The following DYNC2H1 variants were observed in gnomAD, a reference collection of about 807,000 sequenced individuals.
The protein encoded by DYNC2H1 is dynein cytoplasmic 2 heavy chain 1, also known as cytoplasmic dynein 2 heavy chain 1.
A neutral mutation model predicts 570.0 loss-of-function variants in DYNC2H1; 410 were observed. The ratio of observed to expected loss-of-function variants is 0.72; its 90% CI spans 0.66 to 0.78. DYNC2H1 has a LOEUF of 0.78. Ranked by LOEUF, DYNC2H1 falls within the 30% of genes least tolerant of loss-of-function variation. DYNC2H1 has a pLI of 0.00. For synonymous variants in DYNC2H1, 1,688 were observed against 1,677.6 expected, an observed-to-expected ratio of 1.01 and a Z score of -0.15; for missense variants, 4,865 against 5,046.4, an observed-to-expected ratio of 0.96 and a Z score of 1.09.
At chr11:103,242,992 C>T (rs779926519) in intron 63 of DYNC2H1, among the ~76,000 whole-genome samples, 4 of 152,004 alleles carry the variant, frequency 2.6e-5, no homozygotes, top group East Asian at 1.9e-4. Flanking sequence ...GCCACCACAC[C>T]GGGCCTGACT....
In DYNC2H1 at chr11:103,334,226, A is replaced by T. The variant is rs1030707262; in HGVS notation, c.12039+10236A>T. On this transcript the variant is annotated intron_variant, in intron 82 of 88. Transcript: ENST00000375735. The surrounding 1 kb of genome is among the most constrained non-coding windows in gnomAD (Gnocchi z 4.3). ...TGTTAATTCCTGAGGCAAACACAATAATCTATTCTAGTCTCTTCACCAGGT... is the reference window on the plus strand; with the variant it reads ...TGTTAATTCCTGAGGCAAACACAATTATCTATTCTAGTCTCTTCACCAGGT... Among the ~76,000 whole-genome samples the T allele has an allele frequency of 6.6e-6, 1 of 152,190 alleles. No homozygotes were observed. The highest frequency in any genetic ancestry group is 6.5e-5 in the Admixed American group (1 of 15,272).
At position 103,256,917 on chromosome 11, in the gene DYNC2H1, A is replaced by G. The variant is rs1408269328; in HGVS notation, c.10461+677A>G. Among the ~76,000 whole-genome samples, 1 of 152,148 alleles carries G rather than the reference A, an allele frequency of 6.6e-6. No individual in the cohort carries two copies. The highest frequency in any genetic ancestry group is 1.9e-4 in the East Asian group (1 of 5,188). On this transcript the variant is annotated intron_variant, in intron 68 of 88. Transcript: ENST00000375735. The surrounding 1 kb of genome is among the most constrained non-coding windows in gnomAD (Gnocchi z 4.0). ...CATTTCATCTTACCCACTTTCCCCT[A>G]ATACTAGTGCTGTTGGTCCTCATTA...
chr11:103,456,704 C>A (rs1468733531), intron 87 of DYNC2H1, among the ~76,000 whole-genome samples: 1 of 152,122 alleles, frequency 6.6e-6, no homozygotes, highest in African/African-American at 2.4e-5. Flanking sequence ...ATCCAAACAT[C>A]CCTAATCCAA....
intron 87 of DYNC2H1, chr11:103,468,331 C>T: frequency 4.1e-6 from 1 of 243,978 alleles, no homozygotes; most frequent in South Asian, 1.0e-4. Flanking sequence ...AAGACACCCG[C>T]AGTTGTATAA....
intron 20 of DYNC2H1, among the ~76,000 whole-genome samples, chr11:103,149,992 G>A (rs1274746613): frequency 6.6e-6 from 1 of 152,134 alleles, no homozygotes; most frequent in East Asian, 1.9e-4. Context: ...ACAATGAATA[G>A]CATGTACAAA....
chr11:103,441,314 T>C (rs1944259752), intron 85 of DYNC2H1, among the ~76,000 whole-genome samples: 1 of 151,080 alleles, frequency 6.6e-6, no homozygotes. Flanking sequence ...ACTTTTTCAG[T>C]GAGGCCTTCC....
intron 59 of DYNC2H1, among the ~76,000 whole-genome samples, chr11:103,226,867 T>G (rs634577): frequency 6.6e-6 from 1 of 152,158 alleles, no homozygotes; most frequent in African/African-American, 2.4e-5. Flanking sequence ...AATCCTGCTG[T>G]TTGTTATTGG....
At position 103,283,078 on chromosome 11, in the gene DYNC2H1, C is replaced by T. The variant is rs1057524234; in HGVS notation, c.10883C>T (p.Thr3628Ile). ...IDQERSWAVATLKIALPSLYQ... is the reference protein window; with the variant it reads ...IDQERSWAVAILKIALPSLYQ... Reference sequence around the variant, plus strand: ...CAGGAACGAAGCTGGGCCGTGGCAACATTAAAGGTATTCCTTTTCTACTAT... The same window carrying T: ...CAGGAACGAAGCTGGGCCGTGGCAATATTAAAGGTATTCCTTTTCTACTAT... Residue 3628 changes from threonine (T) to isoleucine (I), a missense_variant, in exon 73 of 89, where the codon ACA becomes ATA. Transcript: ENST00000375735. The T allele has an allele frequency of 4.2e-5, 68 of 1,604,274 alleles. No individual in the cohort carries two copies. In the Admixed American group the frequency reaches 1.1e-3, roughly 27 times the overall value.
chr11:103,366,603 G>A (rs1052376951), intron 83 of DYNC2H1, among the ~76,000 whole-genome samples: 2 of 152,070 alleles, frequency 1.3e-5, no homozygotes, highest in Non-Finnish European at 2.9e-5. Context: ...CATGGAGCAT[G>A]GAACTTCACT....
chr11:103,188,756 G>C, intron 44 of DYNC2H1, 108 bp downstream of exon 44: 4 of 943,334 alleles, frequency 4.2e-6, no homozygotes, highest in Non-Finnish European at 5.7e-6. Flanking sequence ...ATATAAAAAT[G>C]GTCAAACTTA....
intron 22 of DYNC2H1, 52 bp downstream of exon 22, chr11:103,153,560 A>T (rs574557068): frequency 7.0e-7 from 1 of 1,418,562 alleles, no homozygotes; most frequent in Admixed American, 2.5e-5. Flanking sequence ...AACAATTTAT[A>T]TATCAAGCTA....
intron 43 of DYNC2H1, among the ~76,000 whole-genome samples, chr11:103,188,145 G>A (rs980752615): frequency 1.3e-5 from 2 of 151,850 alleles, no homozygotes; most frequent in African/African-American, 4.8e-5. Context: ...TGCAGAATAT[G>A]ATAAAATATT....
At position 103,245,218 on chromosome 11, in the gene DYNC2H1, ATAAT is replaced by A. The variant is rs755705662; in HGVS notation, c.9919-28_9919-25del. 8.9e-5 allele frequency: 127 copies of A among 1,426,188 alleles called. 2 individuals carry two copies. The highest frequency in any genetic ancestry group is 1.2e-4 in the South Asian group (9 of 72,496). 88.3% of individuals were successfully genotyped at this position (1,426,188 alleles called of 1,614,324 possible). A position where few individuals can be genotyped will look rare whatever the true frequency, so the allele number is the denominator to read the frequency against. On this transcript the variant is annotated intron_variant, in intron 64 of 88. Coordinates refer to ENST00000375735, the MANE Select transcript of DYNC2H1 (RefSeq NM_001377.3). The surrounding 1 kb of genome is among the most constrained non-coding windows in gnomAD (Gnocchi z 4.5). ...TGTTTGTAAATATTAAAGTAATTAA[ATAAT>A]TAATACGTATTCTTTTTTATTCAAT...
In DYNC2H1 at chr11:103,280,494, ATTTAGGCTAGAAATTATATATCAACCTAT is replaced by A. The variant is rs1355979757; in HGVS notation, c.10761+83_10761+111del. On this transcript the variant is annotated intron_variant, in intron 71 of 88. Transcript: ENST00000375735. The surrounding 1 kb of genome is among the most constrained non-coding windows in gnomAD (Gnocchi z 4.7). ...TGGATTTATGTTTAGATTAGAAATT[ATTTAGGCTAGAAATTATATATCAACCTAT>A]TAATCTTTTACTAAGTTAGAAATGT... 1 of 1,213,898 alleles carries A rather than the reference ATTTAGGCTAGAAATTATATATCAACCTAT, an allele frequency of 8.2e-7. No homozygotes were observed. Among genetic ancestry groups the A allele is most frequent in the Non-Finnish European group, 1.2e-6 (1 of 847,468 alleles). 75.2% of individuals were successfully genotyped at this position (1,213,898 alleles called of 1,614,324 possible).
At chr11:103,282,748 C>T (rs920586459) in intron 72 of DYNC2H1, among the ~76,000 whole-genome samples, 1 of 151,860 alleles carries the variant, frequency 6.6e-6, no homozygotes. Context: ...ATGACAGTTC[C>T]TCATGACATT....
rs1474110014 is a variant in DYNC2H1, at chr11:103,244,023, C to T, written c.9918+232C>T. ...CTGGGAATTTAATAGTGAGTTCCTT[C>T]CCTTATAAAGATGACAGTCTAGTAG... is the stretch of plus-strand genomic sequence containing the variant. On this transcript the variant is annotated intron_variant, in intron 64 of 88. Coordinates refer to ENST00000375735, the MANE Select transcript of DYNC2H1 (RefSeq NM_001377.3). The surrounding 1 kb of genome is among the most constrained non-coding windows in gnomAD (Gnocchi z 4.3). Among the ~76,000 whole-genome samples the T allele has an allele frequency of 2.0e-5, 3 of 152,124 alleles. No homozygotes were observed. Among genetic ancestry groups the T allele is most frequent in the Admixed American group, 6.6e-5 (1 of 15,266 alleles).
chr11:103,476,683 A>G (rs1945559266), intron 88 of DYNC2H1, among the ~76,000 whole-genome samples: 1 of 151,968 alleles, frequency 6.6e-6, no homozygotes, highest in Admixed American at 6.6e-5. Context: ...TTTTTGGGGG[A>G]CATACTGATT....
Position 103,113,668 on chromosome 11 carries a change from C to T in DYNC2H1, c.327C>T (p.Tyr109=). The T allele has an allele frequency of 6.4e-7, 1 of 1,565,808 alleles. No individual in the cohort carries two copies. Among genetic ancestry groups the T allele is most frequent in the Admixed American group, 2.0e-5 (1 of 49,668 alleles). The change falls in exon 2 of 89, where the codon TAC becomes TAT. Residue 109 remains tyrosine, a synonymous_variant. Coordinates refer to ENST00000375735, the MANE Select transcript of DYNC2H1 (RefSeq NM_001377.3). ...SMLESPISSL[Y]QAVRQVFAPM... ...TAGAGTCACCTATTAGTTCTCTTTA[C>T]CAAGCAGTACGGCAAGTATTCGCAC... is the stretch of plus-strand genomic sequence containing the variant.
At chr11:103,138,821 C>G (rs1182246958) in intron 17 of DYNC2H1, among the ~76,000 whole-genome samples, 1 of 151,916 alleles carries the variant, frequency 6.6e-6, no homozygotes, top group South Asian at 2.1e-4. Flanking sequence ...TGGTAGAATT[C>G]GGCTGTGACT....
Sources: gnomAD v4.1 joint callset for allele counts (sites outside exome capture counted in the v4.1 genomes callset) on GRCh38, gnomAD v4.1.1 for gene constraint, Gnocchi (gnomAD v3.1) non-coding constraint, MANE v1.5 for transcripts, NCBI Gene and HGNC (gene_info 2026-07-23, HGNC 2026-07-21) for gene names.